PPFIBP2: variants seen among roughly 807,000 people sequenced by gnomAD.
PPFIBP2 encodes PPFIB scaffold protein 2, also known as liprin-beta-2.
Under a neutral mutation model 118.3 loss-of-function variants are expected in PPFIBP2, and 118 were observed. The observed-to-expected ratio is 1.00, with a 90% CI of 0.86 to 1.16. The LOEUF is 1.16. PPFIBP2 is among the 50% of genes most tolerant of loss of function. The pLI is 0.00. For synonymous variants in PPFIBP2, 414 were observed against 397.4 expected, an observed-to-expected ratio of 1.04 and a Z score of -0.50; for missense variants, 1,195 against 1,073.1, an observed-to-expected ratio of 1.11 and a Z score of -1.59.
At chr11:7,656,334 G>T (rs1854685334), downstream of PPFIBP2, among the ~76,000 whole-genome samples, 1 of 152,098 alleles carries the variant, frequency 6.6e-6, no homozygotes, top group African/African-American at 2.4e-5. Flanking sequence ...AGGCCCATTG[G>T]GATGACAGGA....
intron 1 of PPFIBP2, among the ~76,000 whole-genome samples, chr11:7,533,106 TA>T (rs1211741958): frequency 9.9e-5 from 15 of 152,200 alleles, no homozygotes; most frequent in African/African-American, 3.6e-4. Context: ...TATTATCTAT[TA>T]GGGGAAGTGA....
Position 7,630,835 on chromosome 11 carries a change from A to C in PPFIBP2, c.965-90A>C, listed in dbSNP as rs114530795. 5.5e-4 allele frequency: 510 copies of C among 922,028 alleles called. 1 individual carries two copies. In the African/African-American group the frequency reaches 7.3e-3, roughly 13 times the overall value. 57.1% of individuals were successfully genotyped at this position (922,028 alleles called of 1,614,324 possible). On this transcript the variant is annotated intron_variant, in intron 10 of 23. Transcript: ENST00000299492. ...ATATATTTCTTAGTCCTTCTTAATG[A>C]AGGAGAAACAATGTTAGAATTTTGT...
At chr11:7,579,882 G>T (rs140465225) in intron 3 of PPFIBP2, among the ~76,000 whole-genome samples, 1 of 151,952 alleles carries the variant, frequency 6.6e-6, no homozygotes, top group African/African-American at 2.4e-5. Flanking sequence ...CATGTCATTG[G>T]CAGTGTGATA....
intron 3 of PPFIBP2, among the ~76,000 whole-genome samples, chr11:7,592,687 A>G (rs184683063): frequency 4.8e-4 from 73 of 152,310 alleles, no homozygotes; most frequent in Admixed American, 4.3e-3. Flanking sequence ...GGACCCTGGC[A>G]TGAGAATTAG....
At chr11:7,635,517 C>T (rs1383957431) in intron 13 of PPFIBP2, 35 bp from the exon 14 acceptor site, 3 of 1,584,624 alleles carry the variant, frequency 1.9e-6, no homozygotes, top group East Asian at 4.5e-5. Context: ...GTCTCTTTTT[C>T]TCCACATAAA....
intron 5 of PPFIBP2, among the ~76,000 whole-genome samples, chr11:7,605,440 G>A (rs571510997): frequency 1.3e-5 from 2 of 152,352 alleles, no homozygotes; most frequent in African/African-American, 4.8e-5. Flanking sequence ...GTTTTGCCAG[G>A]CAGTATTGGA....
intron 6 of PPFIBP2, chr11:7,617,108 A>G (rs1848746305): frequency 3.0e-6 from 3 of 984,770 alleles, no homozygotes; most frequent in South Asian, 9.4e-5. Context: ...TTTCCTTCCT[A>G]CAGTCGGTTC....
chr11:7,542,072 C>T (rs1024735934), intron 1 of PPFIBP2, among the ~76,000 whole-genome samples: 2 of 152,190 alleles, frequency 1.3e-5, no homozygotes, highest in Non-Finnish European at 2.9e-5. Context: ...CCAGAGTAAT[C>T]CTTTTAAAAG....
At chr11:7,612,877 AG>A (rs1486857071) in intron 6 of PPFIBP2, among the ~76,000 whole-genome samples, 1 of 152,240 alleles carries the variant, frequency 6.6e-6, no homozygotes, top group Non-Finnish European at 1.5e-5. Context: ...TGGAGCAACC[AG>A]GGGTTTAAAA....
intron 4 of PPFIBP2, among the ~76,000 whole-genome samples, 186 bp downstream of exon 4, chr11:7,593,410 C>T (rs1011120950): frequency 6.6e-6 from 1 of 152,180 alleles, no homozygotes; most frequent in Non-Finnish European, 1.5e-5. Flanking sequence ...TAACTCTAGA[C>T]TTGGCTTAGG....
chr11:7,554,933 A>G lies in PPFIBP2; in HGVS notation c.64+5394A>G, dbSNP rs556052655. ...TGACTTGGTTCTAATATGAAAGACC[A>G]TTATTATAGTTTCCAGTAGGATGTT... On this transcript the variant is annotated intron_variant, in intron 2 of 23. Coordinates refer to ENST00000299492, the MANE Select transcript of PPFIBP2 (RefSeq NM_003621.5). Among the ~76,000 whole-genome samples the G allele has an allele frequency of 6.6e-5, 10 of 152,242 alleles. No individual in the cohort carries two copies. In the South Asian group the frequency reaches 2.1e-3, roughly 32 times the overall value.
chr11:7,588,267 G>T (rs1418577624), intron 3 of PPFIBP2, among the ~76,000 whole-genome samples: 4 of 152,146 alleles, frequency 2.6e-5, no homozygotes, highest in African/African-American at 4.8e-5. Flanking sequence ...CTTATGTGGG[G>T]ACTTAACTAT....
downstream of PPFIBP2, chr11:7,656,864 G>A (rs1401373291): frequency 8.5e-7 from 1 of 1,178,726 alleles, no homozygotes; most frequent in Non-Finnish European, 1.1e-6. Context: ...CTTCTGTGGG[G>A]AGCGGGCACA....
At chr11:7,525,027 G>A (rs1316171740) in intron 1 of PPFIBP2, among the ~76,000 whole-genome samples, 2 of 152,128 alleles carry the variant, frequency 1.3e-5, no homozygotes, top group African/African-American at 2.4e-5. Flanking sequence ...TCACTGGTGC[G>A]GCACAATGCC....
chr11:7,582,147 T>C (rs1426750862), intron 3 of PPFIBP2, among the ~76,000 whole-genome samples: 4 of 152,298 alleles, frequency 2.6e-5, no homozygotes, highest in Admixed American at 2.6e-4. Context: ...CAATTCAATG[T>C]ATGTTAAGTG....
chr11:7,590,920 A>G (rs1343175257), intron 3 of PPFIBP2, among the ~76,000 whole-genome samples: 1 of 152,212 alleles, frequency 6.6e-6, no homozygotes, highest in Non-Finnish European at 1.5e-5. Context: ...CTCCGGAATA[A>G]TTATGCTTCT....
At chr11:7,550,963 T>C (rs1852907744) in intron 2 of PPFIBP2, among the ~76,000 whole-genome samples, 1 of 152,128 alleles carries the variant, frequency 6.6e-6, no homozygotes, top group South Asian at 2.1e-4. Flanking sequence ...GCTCCTCAGT[T>C]TGCAGACGGC....
intron 1 of PPFIBP2, among the ~76,000 whole-genome samples, chr11:7,515,267 TTTTA>T (rs1302554352): frequency 2.0e-5 from 3 of 152,226 alleles, no homozygotes. Flanking sequence ...TTTATCCATG[TTTTA>T]TTTAACATAT....
At chr11:7,648,937 G>A in intron 19 of PPFIBP2, 26 bp downstream of exon 19, 3 of 1,581,520 alleles carry the variant, frequency 1.9e-6, no homozygotes, top group Non-Finnish European at 2.6e-6. Flanking sequence ...TATGTATTAA[G>A]AATGTCTCTG....
Sources: gnomAD v4.1 joint callset for allele counts (sites outside exome capture counted in the v4.1 genomes callset) on GRCh38, gnomAD v4.1.1 for gene constraint, MANE v1.5 for transcripts, NCBI Gene and HGNC (gene_info 2026-07-23, HGNC 2026-07-21) for gene names.